Variants in CNTNAP4 observed in about 807,000 individuals in gnomAD.
CNTNAP4 encodes the protein contactin-associated protein-like 4.
Under a neutral mutation model 148.4 loss-of-function variants are expected in CNTNAP4, and 98 were observed. That is an observed-to-expected ratio of 0.66 (90% CI 0.56 to 0.78). The LOEUF (loss-of-function observed/expected upper bound fraction) is 0.78. Ranked by LOEUF, CNTNAP4 falls within the 30% of genes least tolerant of loss-of-function variation. The pLI, the probability that CNTNAP4 is intolerant of heterozygous loss-of-function variation, is 0.00. For synonymous variants in CNTNAP4, 730 were observed against 565.1 expected (o/e 1.29, Z -4.14); for missense variants, 1,935 against 1,565.6 (o/e 1.24, Z -3.98).
chr16:76,355,910 C>G (rs1167451167), intron 3 of CNTNAP4, among the ~76,000 whole-genome samples: 2 of 151,678 alleles, frequency 1.3e-5, no homozygotes, highest in Non-Finnish European at 2.9e-5. Context: ...GAGTCTCACT[C>G]TGTCACCCAG....
intron 1 of CNTNAP4, among the ~76,000 whole-genome samples, chr16:76,302,068 C>T (rs1329898036): frequency 3.3e-5 from 5 of 151,920 alleles, no homozygotes; most frequent in African/African-American, 7.3e-5. Context: ...GAGAAACAAC[C>T]GAAGCGACCA....
chr16:76,376,907 TTGTGTGTGTGTGTGTGTGTGTG>T lies in CNTNAP4; in HGVS notation c.390+21422_390+21443del, dbSNP rs5817987. ...TCCAGAGAAACAAAACTAACAAGGT[TTGTGTGTGTGTGTGTGTGTGTG>T]TGTGTGTGTGTGTGTGTGTGTGTGT... On this transcript the variant is annotated intron_variant, in intron 3 of 23. Transcript: ENST00000611870. Among the ~76,000 whole-genome samples the T allele has an allele frequency of 7.9e-4, 113 of 143,444 alleles. 2 individuals are homozygous for T. Among genetic ancestry groups the T allele is most frequent in the Non-Finnish European group, 2.6e-4 (17 of 65,714 alleles). 94.1% of individuals were successfully genotyped at this position (143,444 alleles called of 152,430 possible).
At chr16:76,311,861 A>G (rs1262837793) in intron 1 of CNTNAP4, among the ~76,000 whole-genome samples, 1 of 152,178 alleles carries the variant, frequency 6.6e-6, no homozygotes, top group East Asian at 1.9e-4. Context: ...TCAGCAGTAA[A>G]GGGACCAGGA....
At chr16:76,427,199 G>C (rs531246852) in intron 3 of CNTNAP4, among the ~76,000 whole-genome samples, 36 of 152,074 alleles carry the variant, frequency 2.4e-4, no homozygotes, top group Non-Finnish European at 1.0e-4. Context: ...TTTGTTACAG[G>C]TATCGTGGTT....
intron 18 of CNTNAP4, among the ~76,000 whole-genome samples, chr16:76,537,532 T>A (rs1432454721): frequency 2.0e-5 from 3 of 152,216 alleles, no homozygotes; most frequent in Non-Finnish European, 1.5e-5. Flanking sequence ...TTTTGTAAAA[T>A]GATTTAAAAG....
intron 13 of CNTNAP4, among the ~76,000 whole-genome samples, 175 bp from the exon 14 acceptor site, chr16:76,494,732 AAAG>A: frequency 6.6e-6 from 1 of 152,216 alleles, no homozygotes; most frequent in Non-Finnish European, 1.5e-5. Context: ...TTTTATAAAA[AAAG>A]TGTTCTTAAG....
intron 3 of CNTNAP4, among the ~76,000 whole-genome samples, chr16:76,367,490 A>G (rs1377213639): frequency 1.3e-5 from 2 of 152,232 alleles, no homozygotes; most frequent in Non-Finnish European, 2.9e-5. Flanking sequence ...ATACATTGGG[A>G]AATATTTTTA....
At chr16:76,495,789 A>G (rs904366721) in intron 14 of CNTNAP4, among the ~76,000 whole-genome samples, 1 of 152,078 alleles carries the variant, frequency 6.6e-6, no homozygotes, top group African/African-American at 2.4e-5. Flanking sequence ...CTAGACCTGT[A>G]CAGAAGGCTT....
At position 76,419,212 on chromosome 16, in the gene CNTNAP4, C is replaced by T. The variant is rs76035908; in HGVS notation, c.391-8240C>T. On this transcript the variant is annotated intron_variant, in intron 3 of 23. Coordinates refer to ENST00000611870, the MANE Select transcript of CNTNAP4 (RefSeq NM_033401.5). ...CTAGGTTTCCAATCTATTTCTGTGA[C>T]GCTCTGACTCCTGTTGCTTTTTTTT... Among the ~76,000 whole-genome samples the T allele has an allele frequency of 8.8e-3, 1,345 of 152,010 alleles. 25 individuals are homozygous for T. Among genetic ancestry groups the T allele is most frequent in the African/African-American group, 0.031 (1,278 of 41,460 alleles).
At chr16:76,398,988 G>T (rs1410803333) in intron 3 of CNTNAP4, among the ~76,000 whole-genome samples, 2 of 152,022 alleles carry the variant, frequency 1.3e-5, no homozygotes, top group Admixed American at 6.6e-5. Flanking sequence ...TCCCCATACT[G>T]TTCTTGTGGT....
intron 1 of CNTNAP4, among the ~76,000 whole-genome samples, chr16:76,306,551 G>A (rs1475850459): frequency 6.6e-6 from 1 of 152,194 alleles, no homozygotes; most frequent in Non-Finnish European, 1.5e-5. Flanking sequence ...TCTAACTGGT[G>A]CTCAAGTCAG....
chr16:76,460,773 A>AAAAAAAATATATATATATATATATATAT, intron 8 of CNTNAP4, among the ~76,000 whole-genome samples: 7 of 57,264 alleles, frequency 1.2e-4, no homozygotes, highest in Non-Finnish European at 2.0e-4. Flanking sequence ...AAAAAAAAAA[A>AAAAAAAATATATATATATATATATATAT]ATATATATAT....
At chr16:76,330,043 ATCT>A (rs1457125777) in intron 2 of CNTNAP4, among the ~76,000 whole-genome samples, 1 of 152,188 alleles carries the variant, frequency 6.6e-6, no homozygotes, top group Non-Finnish European at 1.5e-5. Flanking sequence ...CATCTCAACA[ATCT>A]TCTTTCTGGA....
intron 20 of CNTNAP4, among the ~76,000 whole-genome samples, chr16:76,540,219 T>C (rs2084390739): frequency 6.6e-6 from 1 of 152,120 alleles, no homozygotes; most frequent in South Asian, 2.1e-4. Flanking sequence ...GTTAATGATA[T>C]GAGTCACAGC....
At chr16:76,469,384 AG>A in intron 10 of CNTNAP4, 1 of 152,252 alleles carries the variant, frequency 6.6e-6, no homozygotes, top group South Asian at 2.1e-4. Context: ...GATTTAGGAG[AG>A]GGCACGCAGA....
intron 21 of CNTNAP4, among the ~76,000 whole-genome samples, chr16:76,551,269 C>G (rs2084940806): frequency 6.6e-6 from 1 of 151,758 alleles, no homozygotes; most frequent in Non-Finnish European, 1.5e-5. Context: ...AAAATTTAGC[C>G]AGGCGTCAAT....
chr16:76,548,207 C>G (rs1230129654), intron 21 of CNTNAP4, among the ~76,000 whole-genome samples: 1 of 151,666 alleles, frequency 6.6e-6, no homozygotes, highest in Non-Finnish European at 1.5e-5. Flanking sequence ...CCCACTAACC[C>G]TTTTTGTGTT....
chr16:76,558,416 T>G (rs7196722), intron 23 of CNTNAP4, 74 bp from the exon 24 acceptor site: 158,835 of 801,602 alleles, frequency 0.2, 17,342 homozygotes, highest in Non-Finnish European at 0.23. Context: ...TTATGATGAC[T>G]TATTAAGCAA....
chr16:76,430,417 C>A (rs545207084), intron 4 of CNTNAP4, among the ~76,000 whole-genome samples: 1 of 152,276 alleles, frequency 6.6e-6, no homozygotes, highest in South Asian at 2.1e-4. Context: ...TAGTTGCTAT[C>A]ATCACAAGTA....
Sources: gnomAD v4.1 joint callset for allele counts (sites outside exome capture counted in the v4.1 genomes callset) on GRCh38, gnomAD v4.1.1 for gene constraint, MANE v1.5 for transcripts, NCBI Gene and HGNC (gene_info 2026-07-23, HGNC 2026-07-21) for gene names.